The following EXD2 variants were observed in gnomAD, a reference collection of about 807,000 sequenced individuals.
The protein encoded by EXD2 is exonuclease 3'-5' domain containing 2.
Under a neutral mutation model 62.5 loss-of-function variants are expected in EXD2, and 40 were observed. The ratio of observed to expected loss-of-function variants is 0.64; its 90% CI spans 0.50 to 0.83. The LOEUF (loss-of-function observed/expected upper bound fraction) is 0.83, where lower values mean the gene tolerates loss of function less well. EXD2 is among the 40% of genes least tolerant of loss of function. The pLI is 0.00. For synonymous variants in EXD2, 239 were observed against 291.9 expected, an observed-to-expected ratio of 0.82 and a Z score of 1.85; for missense variants, 671 against 761.8, an observed-to-expected ratio of 0.88 and a Z score of 1.40.
intron 6 of EXD2, 95 bp downstream of exon 6, chr14:69,235,126 T>A: frequency 8.7e-7 from 1 of 1,146,978 alleles, no homozygotes; most frequent in Non-Finnish European, 1.2e-6. Context: ...AGGCTTGTAG[T>A]AGGGGAGCAG....
intron 1 of EXD2, among the ~76,000 whole-genome samples, chr14:69,194,536 G>C (rs1195314416): frequency 6.6e-6 from 1 of 151,906 alleles, no homozygotes; most frequent in Non-Finnish European, 1.5e-5. Context: ...AGATAGAGAT[G>C]AGTTTTTGCT....
At position 69,230,610 on chromosome 14, in the gene EXD2, C is replaced by T; in HGVS notation, c.717+12C>T. 1 of 1,595,064 alleles carries T rather than the reference C, an allele frequency of 6.3e-7. No homozygotes were observed. The highest frequency in any genetic ancestry group is 8.5e-7 in the Non-Finnish European group (1 of 1,173,566). On this transcript the variant is annotated intron_variant, in intron 5 of 9. Coordinates refer to ENST00000685843, the MANE Select transcript of EXD2 (RefSeq NM_001193360.2). ...TCACAGAGGACCAGGTACTTCTTAT[C>T]AGAGTAGTTGAAGAATGGAAAGTCA...
rs2043468023 is a variant in EXD2 at position 69,228,938 on chromosome 14, A to C, written c.456A>C (p.Leu152Phe). The C allele has an allele frequency of 1.2e-6, 2 of 1,613,986 alleles. No individual in the cohort carries two copies. Among genetic ancestry groups the C allele is most frequent in the Non-Finnish European group, 1.7e-6 (2 of 1,180,038 alleles). ...ICGGKTLPRTLLDILADGTIL... is the reference protein window; with the variant it reads ...ICGGKTLPRTFLDILADGTIL... ...GAGGAAAAACACTACCAAGAACGTT[A>C]TTGGATATTTTGGCAGATGGCACCA... Residue 152 changes from leucine to phenylalanine, a missense_variant, in exon 4 of 10, where the codon TTA becomes TTC. Transcript: ENST00000685843.
rs1228430670 is a variant in EXD2, at chr14:69,230,602, C to T, written c.717+4C>T. ...TGAGACTCTCACAGAGGACCAGGTA[C>T]TTCTTATCAGAGTAGTTGAAGAATG... is the stretch of plus-strand genomic sequence containing the variant. On this transcript the variant is annotated splice_donor_region_variant and intron_variant, in intron 5 of 9. Transcript: ENST00000685843. 2 of 1,599,792 alleles carry T rather than the reference C, an allele frequency of 1.3e-6. No homozygotes were observed. The highest frequency in any genetic ancestry group is 8.5e-7 in the Non-Finnish European group (1 of 1,175,538).
chr14:69,191,865 C>T (rs1382523464), intron 1 of EXD2: 1 of 152,310 alleles, frequency 6.6e-6, no homozygotes, highest in African/African-American at 2.4e-5. Flanking sequence ...CTCCCACGCC[C>T]TCCTTGGGCC....
intron 9 of EXD2, chr14:69,239,293 A>G (rs571534708): frequency 1.3e-5 from 2 of 152,302 alleles, no homozygotes; most frequent in Middle Eastern, 3.4e-3. Flanking sequence ...CTGCCTCCCA[A>G]CTGTCACTTT....
chr14:69,207,479 G>A (rs1468684055), intron 2 of EXD2, among the ~76,000 whole-genome samples: 2 of 152,154 alleles, frequency 1.3e-5, no homozygotes, highest in African/African-American at 2.4e-5. Context: ...GGGCGACGGC[G>A]AGAGACTCCA....
chr14:69,213,756 C>T (rs377539469), intron 3 of EXD2, among the ~76,000 whole-genome samples: 1 of 146,936 alleles, frequency 6.8e-6, no homozygotes, highest in Non-Finnish European at 1.5e-5. Flanking sequence ...CTTTGCCTCC[C>T]GGGTTCAAGT....
intron 3 of EXD2, among the ~76,000 whole-genome samples, chr14:69,213,079 C>A (rs1457423200): frequency 8.0e-6 from 1 of 125,154 alleles, no homozygotes; most frequent in African/African-American, 2.7e-5. Flanking sequence ...TATTCTTCTT[C>A]TTTTCTTTTT....
Position 69,236,100 on chromosome 14 carries a change from C to T in EXD2, c.1104C>T (p.Leu368=). The change falls in exon 7 of 10, where the codon CTC becomes CTT. Residue 368 remains leucine, a synonymous_variant. Transcript: ENST00000685843. ...CFLHAPDGQP[L]CTCDRRKAQW... ...TCCATGCTCCTGATGGACAGCCCCT[C>T]TGCACTTGTGATAGAAGAAAAGCTC... 6.2e-7 allele frequency: 1 copy of T among 1,614,218 alleles called. No homozygotes were observed. Among genetic ancestry groups the T allele is most frequent in the Non-Finnish European group, 8.5e-7 (1 of 1,180,040 alleles).
chr14:69,229,434 G>A (rs1183363505), intron 4 of EXD2, among the ~76,000 whole-genome samples: 1 of 152,076 alleles, frequency 6.6e-6, no homozygotes, highest in Non-Finnish European at 1.5e-5. Flanking sequence ...TGTATTTCTG[G>A]CTTCTCTTGA....
chr14:69,212,687 C>A (rs79224920), intron 3 of EXD2, among the ~76,000 whole-genome samples: 1,834 of 138,594 alleles, frequency 0.013, 42 homozygotes, highest in African/African-American at 0.047. Context: ...CACTTGGTTC[C>A]AATGGTTCTT....
At chr14:69,224,571 CTG>C (rs781751354) in intron 3 of EXD2, among the ~76,000 whole-genome samples, 4 of 152,192 alleles carry the variant, frequency 2.6e-5, no homozygotes, top group African/African-American at 4.8e-5. Flanking sequence ...ACTGGCCTCC[CTG>C]CTTTGACTCT....
chr14:69,232,936 T>TCAAGAAATCATTGCCTCACC (rs1158519689), intron 5 of EXD2, among the ~76,000 whole-genome samples: 2 of 152,200 alleles, frequency 1.3e-5, no homozygotes, highest in South Asian at 2.1e-4. Flanking sequence ...GGTGTCATAG[T>TCAAGAAATCATTGCCTCACC]CAAGAAATCA....
At chr14:69,203,843 T>C (rs1870896092) in intron 1 of EXD2, 74 bp from the exon 2 acceptor site, 1 of 152,236 alleles carries the variant, frequency 6.6e-6, no homozygotes, top group South Asian at 2.1e-4. Context: ...CTAGCCAATA[T>C]ACTAGGTGAA....
At chr14:69,215,298 A>ATATGTGTG (rs151123113) in intron 3 of EXD2, among the ~76,000 whole-genome samples, 1 of 102,094 alleles carries the variant, frequency 9.8e-6, no homozygotes, top group African/African-American at 2.7e-5. Flanking sequence ...TCAAAAATAT[A>ATATGTGTG]TGTGTGTGTG....
At position 69,209,539 on chromosome 14, in the gene EXD2, C is replaced by T; in HGVS notation, c.69C>T (p.Val23=). ...TLLGVAVGGF[V]LWKGIQRRRR... Reference sequence around the variant, plus strand: ...TGGGTGTGGCTGTAGGGGGGTTTGTCCTCTGGAAAGGCATCCAGCGCCGCC... The same window carrying T: ...TGGGTGTGGCTGTAGGGGGGTTTGTTCTCTGGAAAGGCATCCAGCGCCGCC... The change falls in exon 3 of 10, where the codon GTC becomes GTT. Residue 23 remains valine (V), a synonymous_variant. Coordinates refer to ENST00000685843, the MANE Select transcript of EXD2 (RefSeq NM_001193360.2). 1.3e-6 allele frequency: 2 copies of T among 1,550,456 alleles called. No homozygotes were observed. Among genetic ancestry groups the T allele is most frequent in the South Asian group, 2.4e-5 (2 of 84,050 alleles).
At position 69,243,283 on chromosome 14, in the gene EXD2, G is replaced by T. The variant is rs2044026992; in HGVS notation, c.*2183G>T. On this transcript the variant is annotated 3_prime_UTR_variant, in exon 10 of 10. Transcript: ENST00000685843. ...ATTTTTCTGATATAAAAGTAACAATGCTCATTACAGAAGAATCTAAACAAA... is the reference window on the plus strand; with the variant it reads ...ATTTTTCTGATATAAAAGTAACAATTCTCATTACAGAAGAATCTAAACAAA... 1 of 152,148 alleles carries T rather than the reference G, an allele frequency of 6.6e-6. No individual in the cohort carries two copies. Among genetic ancestry groups the T allele is most frequent in the Non-Finnish European group, 1.5e-5 (1 of 68,028 alleles). The allele number at this position is 152,148 out of a possible 1,614,324, so 9.4% of individuals were successfully genotyped here. A position where few individuals can be genotyped will look rare whatever the true frequency, so the allele number is the denominator to read the frequency against.
rs143444743 is a variant in EXD2 at position 69,212,950 on chromosome 14, A to G, written c.333+3147A>G. ...GGTTTCAAACTCTTGGACTCAAGCA[A>G]TCCATTCGCCTCAGTCCCACAAAGT... On this transcript the variant is annotated intron_variant, in intron 3 of 9. Coordinates refer to ENST00000685843, the MANE Select transcript of EXD2 (RefSeq NM_001193360.2). 1.6e-3 allele frequency among the ~76,000 whole-genome samples: 245 copies of G among 151,788 alleles called. 4 individuals carry two copies. The highest frequency in any genetic ancestry group is 5.6e-3 in the African/African-American group (231 of 41,388).
Sources: gnomAD v4.1 joint callset for allele counts (sites outside exome capture counted in the v4.1 genomes callset) on GRCh38, gnomAD v4.1.1 for gene constraint, MANE v1.5 for transcripts, NCBI Gene and HGNC (gene_info 2026-07-23, HGNC 2026-07-21) for gene names.